PRKG1: variants seen among roughly 807,000 people sequenced by gnomAD.
PRKG1 encodes cGMP-dependent protein kinase 1.
Under a neutral mutation model 88.1 loss-of-function variants are expected in PRKG1, and 35 were observed. The ratio of observed to expected loss-of-function variants is 0.40; its 90% CI spans 0.30 to 0.53. The LOEUF (loss-of-function observed/expected upper bound fraction) is 0.53, where lower values mean the gene tolerates loss of function less well. PRKG1 is among the 20% of genes least tolerant of loss of function. PRKG1 has a pLI of 0.59. For synonymous variants in PRKG1, 303 were observed against 292.5 expected (o/e 1.04, Z -0.37); for missense variants, 540 against 839.8 (o/e 0.64, Z 4.41).
Position 52,136,803 on chromosome 10 carries a change from T to C in PRKG1, c.1001+2898T>C, listed in dbSNP as rs200322421. On this transcript the variant is annotated intron_variant, in intron 8 of 17. Coordinates refer to ENST00000373980, the MANE Select transcript of PRKG1 (RefSeq NM_006258.4). ...TAGGATTCCCTTGGATTTAGCTGTG[T>C]TTCTCTCTACTCAGCATTGGTTTAT... 2.4e-4 allele frequency among the ~76,000 whole-genome samples: 36 copies of C among 152,162 alleles called. No homozygotes were observed. In the East Asian group the frequency reaches 4.8e-3, roughly 20 times the overall value.
At chr10:51,944,940 G>A (rs1486274120) in intron 5 of PRKG1, among the ~76,000 whole-genome samples, 1 of 151,566 alleles carries the variant, frequency 6.6e-6, no homozygotes, top group African/African-American at 2.4e-5. Context: ...TGTTGATTTG[G>A]GGTGGAGAGT....
chr10:51,053,778 GTTT>G (rs66475706), intron 1 of PRKG1, among the ~76,000 whole-genome samples: 11 of 144,960 alleles, frequency 7.6e-5, no homozygotes, highest in Admixed American at 1.4e-4. Flanking sequence ...GGTTTTTTTT[GTTT>G]TTTTTTTTTT....
intron 2 of PRKG1, among the ~76,000 whole-genome samples, chr10:51,249,927 C>T (rs1275716512): frequency 1.3e-5 from 2 of 151,700 alleles, no homozygotes; most frequent in Admixed American, 6.6e-5. Flanking sequence ...CCTTTAAAAG[C>T]GTAAGTAATA....
At position 51,602,768 on chromosome 10, in the gene PRKG1, GTGTGTGTGTGTGTA is replaced by G. The variant is rs905594723; in HGVS notation, c.592+134934_592+134947del. ...TGTGTGTGTGTGTGTGTGTGTGTGTGTGTGTGTGTGTGTATATATTCATATATATATTAATTTTC... is the reference window on the plus strand; with the variant it reads ...TGTGTGTGTGTGTGTGTGTGTGTGTGTATATTCATATATATATTAATTTTC... On this transcript the variant is annotated intron_variant, in intron 3 of 17. Transcript: ENST00000373980. Among the ~76,000 whole-genome samples, 2 of 124,214 alleles carry G rather than the reference GTGTGTGTGTGTGTA, an allele frequency of 1.6e-5. 1 individual carries two copies. The highest frequency in any genetic ancestry group is 7.4e-5 in the African/African-American group (2 of 27,202). The allele number at this position is 124,214 out of a possible 152,430, so 81.5% of individuals were successfully genotyped here.
At chr10:51,514,610 A>G (rs1480610593) in intron 3 of PRKG1, among the ~76,000 whole-genome samples, 1 of 152,178 alleles carries the variant, frequency 6.6e-6, no homozygotes. Flanking sequence ...AATCTGTAGA[A>G]TATCAAATTA....
chr10:51,658,500 A>G (rs577536841), intron 3 of PRKG1, among the ~76,000 whole-genome samples: 51 of 152,144 alleles, frequency 3.4e-4, no homozygotes, highest in African/African-American at 1.1e-3. Context: ...CATGTCATGA[A>G]TCCCACAGGA....
intron 1 of PRKG1, among the ~76,000 whole-genome samples, chr10:51,125,643 C>A (rs933014747): frequency 6.8e-6 from 1 of 148,080 alleles, no homozygotes; most frequent in South Asian, 2.1e-4. Context: ...GATTGAGCCA[C>A]TGAACTCCAG....
intron 5 of PRKG1, among the ~76,000 whole-genome samples, chr10:51,964,394 G>A (rs1310453533): frequency 6.6e-6 from 1 of 152,146 alleles, no homozygotes; most frequent in Non-Finnish European, 1.5e-5. Flanking sequence ...TGACAGCATT[G>A]AATTAAATAA....
intron 7 of PRKG1, among the ~76,000 whole-genome samples, chr10:52,064,303 T>C (rs141606355): frequency 0.032 from 4,944 of 152,278 alleles, 141 homozygotes; most frequent in Non-Finnish European, 0.055. Context: ...TGTGCACACC[T>C]GGCCGGACTG....
intron 5 of PRKG1, among the ~76,000 whole-genome samples, chr10:51,988,505 A>G (rs902596374): frequency 1.3e-5 from 2 of 152,128 alleles, no homozygotes; most frequent in East Asian, 1.9e-4. Context: ...GGAAGTTTCA[A>G]TTTTTCCACA....
intron 2 of PRKG1, among the ~76,000 whole-genome samples, chr10:51,408,548 G>A (rs1470054988): frequency 6.6e-6 from 1 of 152,208 alleles, no homozygotes; most frequent in Non-Finnish European, 1.5e-5. Context: ...TGATGGAAGA[G>A]GTTCAATATA....
intron 2 of PRKG1, among the ~76,000 whole-genome samples, chr10:51,166,561 A>G (rs1846547835): frequency 6.6e-6 from 1 of 152,328 alleles, no homozygotes; most frequent in Non-Finnish European, 1.5e-5. Context: ...TTTGCATACT[A>G]TCCTCTTCAA....
At chr10:51,926,456 A>T (rs556212091) in intron 5 of PRKG1, among the ~76,000 whole-genome samples, 1 of 152,068 alleles carries the variant, frequency 6.6e-6, no homozygotes. Flanking sequence ...ATTTGTACCA[A>T]GAGATGCTGC....
At chr10:51,533,146 T>G (rs1044107524) in intron 3 of PRKG1, among the ~76,000 whole-genome samples, 1 of 152,256 alleles carries the variant, frequency 6.6e-6, no homozygotes, top group Non-Finnish European at 1.5e-5. Context: ...TGGATTTCTA[T>G]TTCTTGCAAT....
intron 5 of PRKG1, among the ~76,000 whole-genome samples, chr10:51,988,485 G>GT (rs1442543199): frequency 2.6e-5 from 4 of 152,134 alleles, no homozygotes; most frequent in Admixed American, 2.6e-4. Context: ...ACCAACAGCA[G>GT]TAAGTGTGTG....
chr10:51,582,647 T>C lies in PRKG1; in HGVS notation c.592+114811T>C, dbSNP rs536640453. Among the ~76,000 whole-genome samples, 61 of 151,092 alleles carry C rather than the reference T, an allele frequency of 4.0e-4. No individual in the cohort carries two copies. The South Asian group carries it at 7.0e-3, about 17-fold the overall frequency. ...AAGGACATGATCTCATTCCTTTTTA[T>C]GGCTGCATAATACTCCATGATGTAT... On this transcript the variant is annotated intron_variant, in intron 3 of 17. Coordinates refer to ENST00000373980, the MANE Select transcript of PRKG1 (RefSeq NM_006258.4).
At chr10:51,161,612 TC>T (rs1278931124) in intron 2 of PRKG1, among the ~76,000 whole-genome samples, 1 of 152,170 alleles carries the variant, frequency 6.6e-6, no homozygotes, top group Admixed American at 6.5e-5. Context: ...TGAAATGCCA[TC>T]TTTTTTTTCA....
Position 51,665,944 on chromosome 10 carries a change from T to A in PRKG1, c.593-138641T>A, listed in dbSNP as rs143436559. ...GTGTGTGTGTGTGTGTGTTTGTGTG[T>A]TTGTGTGTGTGAAACAACACAAGGG... On this transcript the variant is annotated intron_variant, in intron 3 of 17. Coordinates refer to ENST00000373980, the MANE Select transcript of PRKG1 (RefSeq NM_006258.4). 5.3e-3 allele frequency among the ~76,000 whole-genome samples: 806 copies of A among 152,236 alleles called. 8 individuals are homozygous for A. The highest frequency in any genetic ancestry group is 0.019 in the African/African-American group (775 of 41,544).
chr10:51,697,661 A>G (rs763061471), intron 3 of PRKG1: 1 of 1,602,722 alleles, frequency 6.2e-7, no homozygotes, highest in South Asian at 1.1e-5. Flanking sequence ...GCTACAGAAT[A>G]AAATTTGAGA....
Sources: gnomAD v4.1 joint callset for allele counts (sites outside exome capture counted in the v4.1 genomes callset) on GRCh38, gnomAD v4.1.1 for gene constraint, MANE v1.5 for transcripts, NCBI Gene and HGNC (gene_info 2026-07-23, HGNC 2026-07-21) for gene names.